The following NCAM2 variants were observed in gnomAD, a reference collection of about 807,000 sequenced individuals.
NCAM2 encodes the protein N-CAM-2.
A neutral mutation model predicts 98.1 loss-of-function variants in NCAM2; 30 were observed. That is an observed-to-expected ratio of 0.31 (90% CI 0.23 to 0.41). The LOEUF (loss-of-function observed/expected upper bound fraction) is 0.41. NCAM2 is among the 10% of genes least tolerant of loss of function. The pLI is 1.00. For synonymous variants in NCAM2, 368 were observed against 342.4 expected (o/e 1.07, Z -0.83); for missense variants, 867 against 1,005.8 (o/e 0.86, Z 1.87).
At chr21:21,267,586 A>G (rs1038924375) in intron 1 of NCAM2, among the ~76,000 whole-genome samples, 51 of 152,264 alleles carry the variant, frequency 3.3e-4, no homozygotes, top group Admixed American at 3.0e-3. Context: ...GGAAGAAAAA[A>G]AATTGTAGAT....
At chr21:21,049,193 G>A (rs1310710743) in intron 1 of NCAM2, among the ~76,000 whole-genome samples, 1 of 143,656 alleles carries the variant, frequency 7.0e-6, no homozygotes, top group Non-Finnish European at 1.5e-5. Context: ...CTAATTTTTT[G>A]TATTTTTAGT....
intron 1 of NCAM2, among the ~76,000 whole-genome samples, chr21:21,059,726 CCCACAGAA>C (rs1453077729): frequency 1.3e-5 from 2 of 151,998 alleles, no homozygotes; most frequent in African/African-American, 4.8e-5. Flanking sequence ...GATGTTTTAT[CCCACAGAA>C]CACATTAGCC....
At chr21:21,061,990 T>G (rs1032244916) in intron 1 of NCAM2, among the ~76,000 whole-genome samples, 5 of 152,124 alleles carry the variant, frequency 3.3e-5, no homozygotes, top group Admixed American at 6.6e-5. Context: ...CTTTAAAATA[T>G]GTAGATTGTC....
chr21:21,518,221 T>C (rs1988820964), intron 16 of NCAM2, among the ~76,000 whole-genome samples: 1 of 152,192 alleles, frequency 6.6e-6, no homozygotes, highest in Non-Finnish European at 1.5e-5. Context: ...ACTAGATTGT[T>C]TGTCTATGAC....
intron 4 of NCAM2, among the ~76,000 whole-genome samples, chr21:21,290,826 C>A (rs998761078): frequency 2.0e-5 from 3 of 151,788 alleles, no homozygotes; most frequent in African/African-American, 7.3e-5. Context: ...ACGGCTATGA[C>A]AAATTTGCCC....
At chr21:21,373,277 A>G (rs2075961379) in intron 8 of NCAM2, among the ~76,000 whole-genome samples, 1 of 151,918 alleles carries the variant, frequency 6.6e-6, no homozygotes, top group African/African-American at 2.4e-5. Context: ...GACTTTAGTA[A>G]AAGCAACTTA....
At chr21:21,168,228 A>G (rs2068013971) in intron 1 of NCAM2, among the ~76,000 whole-genome samples, 1 of 152,034 alleles carries the variant, frequency 6.6e-6, no homozygotes, top group African/African-American at 2.4e-5. Flanking sequence ...TACAGAAAAA[A>G]AATCTAATAA....
chr21:21,343,358 T>C (rs2849926), intron 8 of NCAM2, among the ~76,000 whole-genome samples: 32,358 of 120,650 alleles, frequency 0.27, 3,862 homozygotes, highest in East Asian at 0.5. Flanking sequence ...TCTATACACA[T>C]ACACACACAC....
In NCAM2 at chr21:21,217,093, G is replaced by T. The variant is rs909660115; in HGVS notation, c.56-63485G>T. On this transcript the variant is annotated intron_variant, in intron 1 of 17. Transcript: ENST00000400546. The stretch of plus-strand genomic sequence containing the variant: ...ACATAGCACAGGATAAATGCTGAGG[G>T]TGCCAGGGAGTTTTTCTCTGGGTAG... Among the ~76,000 whole-genome samples the T allele has an allele frequency of 2.0e-5, 3 of 152,118 alleles. No homozygotes were observed. The East Asian group carries it at 5.8e-4, about 29-fold the overall frequency.
intron 10 of NCAM2, among the ~76,000 whole-genome samples, chr21:21,417,524 G>A (rs775896202): frequency 2.0e-4 from 31 of 151,970 alleles, no homozygotes; most frequent in Non-Finnish European, 2.7e-4. Context: ...TTGGGATAGA[G>A]TTGAAATTAA....
At chr21:21,446,158 C>A (rs899362069) in intron 12 of NCAM2, among the ~76,000 whole-genome samples, 1 of 152,054 alleles carries the variant, frequency 6.6e-6, no homozygotes, top group African/African-American at 2.4e-5. Context: ...TGAATATTGG[C>A]CCCCAATCTC....
At chr21:21,485,651 T>G (rs551726556) in intron 15 of NCAM2, among the ~76,000 whole-genome samples, 1 of 152,330 alleles carries the variant, frequency 6.6e-6, no homozygotes, top group African/African-American at 2.4e-5. Flanking sequence ...TGTTTTTCAC[T>G]TGCAACCACA....
At chr21:21,184,821 G>A (rs1225710464) in intron 1 of NCAM2, among the ~76,000 whole-genome samples, 2 of 152,148 alleles carry the variant, frequency 1.3e-5, no homozygotes, top group East Asian at 3.9e-4. Flanking sequence ...CTATTTCTAG[G>A]AAGAGAAAAT....
At chr21:21,302,933 A>T (rs934050468) in intron 5 of NCAM2, among the ~76,000 whole-genome samples, 2 of 152,276 alleles carry the variant, frequency 1.3e-5, no homozygotes, top group Admixed American at 6.5e-5. Flanking sequence ...AAAAGAATGA[A>T]GTCATGTCCT....
intron 1 of NCAM2, among the ~76,000 whole-genome samples, chr21:21,070,118 A>C (rs1005116347): frequency 1.3e-5 from 2 of 152,120 alleles, no homozygotes; most frequent in African/African-American, 2.4e-5. Flanking sequence ...ATTTGGTGAT[A>C]ATAGATTTCA....
chr21:21,145,299 G>T (rs2067248337), intron 1 of NCAM2, among the ~76,000 whole-genome samples: 1 of 152,064 alleles, frequency 6.6e-6, no homozygotes, highest in South Asian at 2.1e-4. Context: ...TTTAAATTGT[G>T]CTTACTTGCT....
intron 1 of NCAM2, among the ~76,000 whole-genome samples, chr21:21,146,629 T>A (rs1336126791): frequency 6.6e-6 from 1 of 150,778 alleles, no homozygotes; most frequent in Non-Finnish European, 1.5e-5. Context: ...CTCAGAGCCA[T>A]TTAACGTATT....
In NCAM2 at chr21:21,023,418, G is replaced by C. The variant is rs564228957; in HGVS notation, c.55+24800G>C. 2.0e-4 allele frequency among the ~76,000 whole-genome samples: 31 copies of C among 151,898 alleles called. 1 individual carries two copies. Among genetic ancestry groups the C allele is most frequent in the African/African-American group, 7.3e-4 (30 of 41,376 alleles). On this transcript the variant is annotated intron_variant, in intron 1 of 17. Transcript: ENST00000400546. ...GGTCACCTGTAATCCCAGCCACTCT[G>C]TAGGCTGAGGCGGGAGAATCACTTG...
chr21:21,495,321 C>A (rs927104312), intron 15 of NCAM2, among the ~76,000 whole-genome samples: 2 of 151,846 alleles, frequency 1.3e-5, no homozygotes, highest in Admixed American at 6.6e-5. Flanking sequence ...CTATTTAATT[C>A]TTCACCTTTT....
Sources: allele counts gnomAD v4.1 joint callset (sites outside exome capture counted in the v4.1 genomes callset), GRCh38; gene constraint gnomAD v4.1.1; transcripts MANE v1.5; gene names NCBI Gene and HGNC (gene_info 2026-07-23, HGNC 2026-07-21).